The following OR51B5 variants were observed in gnomAD, a reference collection of about 807,000 sequenced individuals.
The protein encoded by OR51B5 is olfactory receptor family 51 subfamily B member 5, also known as olfactory receptor 51B5.
For missense variants in OR51B5, 456 were observed against 374.6 expected (o/e 1.22, Z -1.79); for synonymous variants, 186 against 144.8 (o/e 1.28, Z -2.04).
intron 1 of OR51B5, among the ~76,000 whole-genome samples, chr11:5,419,537 A>T (rs1223028007): frequency 1.3e-5 from 2 of 152,160 alleles, no homozygotes; most frequent in African/African-American, 2.4e-5. Flanking sequence ...TTTACACAGC[A>T]TTTATATTGT....
chr11:5,476,572 A>C (rs929008894), intron 1 of OR51B5, among the ~76,000 whole-genome samples: 3 of 152,194 alleles, frequency 2.0e-5, no homozygotes, highest in African/African-American at 7.2e-5. Context: ...CTAAACTGAG[A>C]CCATCAGTAT....
chr11:5,418,663 TTGGTAGTTGAACAA>T (rs1330744466), intron 1 of OR51B5, among the ~76,000 whole-genome samples: 1 of 151,128 alleles, frequency 6.6e-6, no homozygotes, highest in Non-Finnish European at 1.5e-5. Context: ...TCATTCATAA[TTGGTAGTTGAACAA>T]TGAGAATACA....
At chr11:5,387,001 G>A (rs1415587501) in intron 1 of OR51B5, among the ~76,000 whole-genome samples, 1 of 151,980 alleles carries the variant, frequency 6.6e-6, no homozygotes, top group Non-Finnish European at 1.5e-5. Flanking sequence ...TGAGAAGGCA[G>A]AAACTCAGGC....
chr11:5,351,281 C>G (rs556967816), intron 1 of OR51B5, among the ~76,000 whole-genome samples: 3 of 152,146 alleles, frequency 2.0e-5, no homozygotes, highest in African/African-American at 4.8e-5. Flanking sequence ...AACGTAGTAT[C>G]CAATAATCTT....
chr11:5,456,525 G>A (rs755572068), intron 1 of OR51B5: 3 of 151,752 alleles, frequency 2.0e-5, no homozygotes, highest in Non-Finnish European at 4.4e-5. Flanking sequence ...AACATTTTCC[G>A]CTATTGAAAC....
At chr11:5,438,932 G>A (rs902057756) in intron 1 of OR51B5, among the ~76,000 whole-genome samples, 6 of 152,106 alleles carry the variant, frequency 3.9e-5, no homozygotes, top group African/African-American at 7.2e-5. Context: ...ATCTAAAGAG[G>A]GAAGAAGTTA....
At chr11:5,491,360 T>C (rs438994) in intron 1 of OR51B5, among the ~76,000 whole-genome samples, 20,252 of 152,244 alleles carry the variant, frequency 0.13, 1,514 homozygotes, top group East Asian at 0.18. Flanking sequence ...GTGTCAGCTG[T>C]GGCCATGGAG....
chr11:5,438,141 A>C (rs1184489767), intron 1 of OR51B5, among the ~76,000 whole-genome samples: 1 of 152,180 alleles, frequency 6.6e-6, no homozygotes, highest in East Asian at 1.9e-4. Flanking sequence ...AGAAGGAAAC[A>C]AATGATGCCT....
chr11:5,467,707 C>A (rs1040904452), intron 1 of OR51B5, among the ~76,000 whole-genome samples: 7 of 152,226 alleles, frequency 4.6e-5, no homozygotes, highest in African/African-American at 1.7e-4. Context: ...CAGGCATGTG[C>A]TTAAGCTTGT....
intron 1 of OR51B5, among the ~76,000 whole-genome samples, chr11:5,396,817 C>A (rs1359352099): frequency 2.0e-5 from 3 of 152,136 alleles, no homozygotes; most frequent in African/African-American, 7.2e-5. Context: ...TACAAGGCTA[C>A]AGTAACCAAA....
chr11:5,363,784 G>C (rs993745171), intron 1 of OR51B5, among the ~76,000 whole-genome samples: 2 of 152,060 alleles, frequency 1.3e-5, no homozygotes, highest in Non-Finnish European at 2.9e-5. Flanking sequence ...TTAAAAACTA[G>C]GGACCATATG....
At chr11:5,433,249 G>C (rs536952952) in intron 1 of OR51B5, among the ~76,000 whole-genome samples, 2 of 152,064 alleles carry the variant, frequency 1.3e-5, no homozygotes, top group African/African-American at 4.8e-5. Context: ...TGAGATCAGA[G>C]AGAAATAGCT....
chr11:5,416,904 C>T (rs1171350910), intron 1 of OR51B5, among the ~76,000 whole-genome samples: 1 of 151,834 alleles, frequency 6.6e-6, no homozygotes, highest in African/African-American at 2.4e-5. Flanking sequence ...CAATGTCTTT[C>T]TTCACAGAAT....
chr11:5,460,072 G>T (rs1851025191), intron 1 of OR51B5, among the ~76,000 whole-genome samples: 1 of 148,880 alleles, frequency 6.7e-6, no homozygotes, highest in South Asian at 2.1e-4. Context: ...TAAAAAATAA[G>T]ATCATGAGAT....
At chr11:5,430,168 G>A (rs1301183224) in intron 1 of OR51B5, among the ~76,000 whole-genome samples, 3 of 152,140 alleles carry the variant, frequency 2.0e-5, no homozygotes, top group African/African-American at 7.2e-5. Flanking sequence ...TGAATATCTG[G>A]AGAAAACCAG....
At chr11:5,410,390 T>C (rs755688224) in intron 1 of OR51B5, among the ~76,000 whole-genome samples, 1 of 152,130 alleles carries the variant, frequency 6.6e-6, no homozygotes, top group Non-Finnish European at 1.5e-5. Flanking sequence ...TGGTAATTTA[T>C]AGTAGACGAT....
chr11:5,406,796 A>G (rs1263515788), intron 1 of OR51B5, among the ~76,000 whole-genome samples: 2 of 152,174 alleles, frequency 1.3e-5, no homozygotes, highest in Non-Finnish European at 2.9e-5. Flanking sequence ...AGTGAGCCTG[A>G]TATTTATTGA....
intron 1 of OR51B5, among the ~76,000 whole-genome samples, chr11:5,397,114 T>C (rs1849886675): frequency 6.6e-6 from 1 of 152,280 alleles, no homozygotes; most frequent in East Asian, 1.9e-4. Flanking sequence ...GAAGAAAACC[T>C]AAGCAATACC....
At chr11:5,477,709 G>A (rs1232046211) in intron 1 of OR51B5, among the ~76,000 whole-genome samples, 1 of 152,214 alleles carries the variant, frequency 6.6e-6, no homozygotes, top group East Asian at 1.9e-4. Flanking sequence ...GGAAGCACAA[G>A]GGGTCAGGGA....
Sources: gnomAD v4.1 joint callset for allele counts (sites outside exome capture counted in the v4.1 genomes callset) on GRCh38, gnomAD v4.1.1 for gene constraint, MANE v1.5 for transcripts, NCBI Gene and HGNC (gene_info 2026-07-23, HGNC 2026-07-21) for gene names.